Variants in CCDC6 observed in about 807,000 individuals in gnomAD.
The protein encoded by CCDC6 is coiled-coil domain containing 6.
CCDC6 carries 20 observed loss-of-function variants against 56.6 expected under a neutral mutation model. The observed-to-expected ratio is 0.35, with a 90% CI of 0.25 to 0.51. The LOEUF is 0.51. Ranked by LOEUF, CCDC6 falls within the 20% of genes least tolerant of loss-of-function variation. The pLI, the probability that CCDC6 is intolerant of heterozygous loss-of-function variation, is 0.95. For synonymous variants in CCDC6, 241 were observed against 234.4 expected (o/e 1.03, Z -0.26); for missense variants, 367 against 601.1 (o/e 0.61, Z 4.07).
intron 1 of CCDC6, among the ~76,000 whole-genome samples, chr10:59,871,848 T>C (rs1239793705): frequency 6.6e-6 from 1 of 151,872 alleles, no homozygotes; most frequent in African/African-American, 2.4e-5. Context: ...CAGTTGCTAA[T>C]TGGCAAAAGA....
intron 2 of CCDC6, among the ~76,000 whole-genome samples, chr10:59,837,870 A>C (rs997352139): frequency 7.2e-5 from 11 of 152,046 alleles, no homozygotes; most frequent in Non-Finnish European, 1.5e-4. Context: ...GTTTATTGAA[A>C]ATTACCAAGG....
At position 59,876,073 on chromosome 10, in the gene CCDC6, CTTTTT is replaced by C. The variant is rs1172379933; in HGVS notation, c.304-23376_304-23372del. Reference sequence around the variant, plus strand: ...CATACACGAGTGCATGCACAGATGTCTTTTTTTTTTTTTTTTTTCAGATCGAGTCT... The same window carrying C: ...CATACACGAGTGCATGCACAGATGTCTTTTTTTTTTTTTCAGATCGAGTCT... On this transcript the variant is annotated intron_variant, in intron 1 of 8. Transcript: ENST00000263102. Among the ~76,000 whole-genome samples the C allele has an allele frequency of 8.2e-5, 8 of 97,584 alleles. 1 individual carries two copies. The highest frequency in any genetic ancestry group is 1.3e-4 in the Non-Finnish European group (7 of 51,876). The allele number at this position is 97,584 out of a possible 152,430, so 64.0% of individuals were successfully genotyped here.
intron 4 of CCDC6, among the ~76,000 whole-genome samples, chr10:59,813,653 C>A (rs1270785204): frequency 6.6e-6 from 1 of 152,108 alleles, no homozygotes; most frequent in Non-Finnish European, 1.5e-5. Flanking sequence ...CCAGGTCTAC[C>A]CTTGAGAAAA....
chr10:59,874,671 T>C (rs2071262807), intron 1 of CCDC6, among the ~76,000 whole-genome samples: 2 of 152,170 alleles, frequency 1.3e-5, no homozygotes. Flanking sequence ...GGAAATTATC[T>C]TGGGTTCTCT....
chr10:59,892,762 G>A (rs2071432086), intron 1 of CCDC6, among the ~76,000 whole-genome samples: 2 of 152,160 alleles, frequency 1.3e-5, no homozygotes, highest in East Asian at 3.9e-4. Flanking sequence ...TAACTCTACA[G>A]TCTCTCATAA....
chr10:59,814,860 A>G (rs115783391), intron 3 of CCDC6, 105 bp from the exon 4 acceptor site: 1 of 706,546 alleles, frequency 1.4e-6, no homozygotes, highest in African/African-American at 1.8e-5. Context: ...GAATACTGCA[A>G]ACATGTGGCC....
At chr10:59,862,163 T>C (rs2071134699) in intron 1 of CCDC6, among the ~76,000 whole-genome samples, 1 of 152,068 alleles carries the variant, frequency 6.6e-6, no homozygotes. Context: ...AAGTGACTGG[T>C]ATCCTACATA....
At chr10:59,879,731 C>G (rs973819216) in intron 1 of CCDC6, among the ~76,000 whole-genome samples, 6 of 152,152 alleles carry the variant, frequency 3.9e-5, no homozygotes, top group African/African-American at 1.4e-4. Context: ...CTAAAAAGAA[C>G]CTTTGCTTCC....
At chr10:59,831,533 A>G (rs1460150934) in intron 3 of CCDC6, among the ~76,000 whole-genome samples, 1 of 152,236 alleles carries the variant, frequency 6.6e-6, no homozygotes, top group East Asian at 1.9e-4. Context: ...CCTGAATGTG[A>G]GATAAATCAG....
chr10:59,904,979 C>T (rs2071531882), intron 1 of CCDC6, among the ~76,000 whole-genome samples: 1 of 152,314 alleles, frequency 6.6e-6, no homozygotes, highest in South Asian at 2.1e-4. Context: ...AAATTCATCC[C>T]TTTTTCTTCA....
At chr10:59,828,839 G>C (rs2070811032) in intron 3 of CCDC6, among the ~76,000 whole-genome samples, 1 of 152,146 alleles carries the variant, frequency 6.6e-6, no homozygotes, top group African/African-American at 2.4e-5. Flanking sequence ...CCTACCCCTG[G>C]ATTTATTTGT....
At chr10:59,818,011 T>C (rs747699669) in intron 3 of CCDC6, among the ~76,000 whole-genome samples, 6 of 151,802 alleles carry the variant, frequency 4.0e-5, no homozygotes, top group Non-Finnish European at 8.8e-5. Context: ...GCCACCAAGA[T>C]AGGAACGGAT....
intron 7 of CCDC6, among the ~76,000 whole-genome samples, chr10:59,798,955 C>G (rs2070548903): frequency 7.1e-6 from 1 of 140,582 alleles, no homozygotes; most frequent in Admixed American, 7.5e-5. Flanking sequence ...GATCATGCCA[C>G]TGCACTCCAG....
chr10:59,842,713 G>A lies in CCDC6; in HGVS notation c.453+9840C>T, dbSNP rs189870999. On this transcript the variant is annotated intron_variant, in intron 2 of 8. Coordinates refer to ENST00000263102, the MANE Select transcript of CCDC6 (RefSeq NM_005436.5). ...TTATGTTACCCTTAAAATATGTTGG[G>A]GACCCATTTTTTTCCCTTTAGAATT... 1.2e-4 allele frequency among the ~76,000 whole-genome samples: 18 copies of A among 151,686 alleles called. No homozygotes were observed. The East Asian group carries it at 2.9e-3, about 24-fold the overall frequency.
At chr10:59,832,822 C>G (rs569503496) in intron 2 of CCDC6, among the ~76,000 whole-genome samples, 169 bp from the exon 3 acceptor site, 340 of 152,326 alleles carry the variant, frequency 2.2e-3, no homozygotes, top group African/African-American at 7.8e-3. Context: ...ACTGGTTCCT[C>G]TAACTTAAAA....
chr10:59,855,798 TAATC>T (rs1564749609), intron 1 of CCDC6, among the ~76,000 whole-genome samples: 1 of 152,204 alleles, frequency 6.6e-6, no homozygotes, highest in East Asian at 1.9e-4. Flanking sequence ...AAAGGACTCA[TAATC>T]AACACACTGT....
At chr10:59,811,785 GT>G (rs1171864757) in intron 5 of CCDC6, among the ~76,000 whole-genome samples, 3 of 151,946 alleles carry the variant, frequency 2.0e-5, no homozygotes, top group African/African-American at 7.3e-5. Flanking sequence ...TCCATCTTTG[GT>G]TGTGGATGCA....
In CCDC6 at chr10:59,804,495, C is replaced by G; in HGVS notation, c.1030G>C (p.Gly344Arg). Residue 344 changes from glycine to arginine, a missense_variant, in exon 7 of 9, where the codon GGA becomes CGA. By Grantham distance (125) the Gly-to-Arg change is moderately radical (BLOSUM62 -2). Coordinates refer to ENST00000263102, the MANE Select transcript of CCDC6 (RefSeq NM_005436.5). The stretch of plus-strand genomic sequence containing the variant: ...CTGGACACAGTGCGAGGTCTTAATC[C>G]TTGTGCAGACATCTCATTAAAATAC... The part of the protein sequence containing the change: ...ERYFNEMSAQ[G>R]LRPRTVSSPI... 1 of 1,611,166 alleles carries G rather than the reference C, an allele frequency of 6.2e-7. No individual in the cohort carries two copies. The highest frequency in any genetic ancestry group is 8.5e-7 in the Non-Finnish European group (1 of 1,177,348).
At chr10:59,841,049 A>G (rs2070933946) in intron 2 of CCDC6, among the ~76,000 whole-genome samples, 1 of 152,198 alleles carries the variant, frequency 6.6e-6, no homozygotes, top group Non-Finnish European at 1.5e-5. Flanking sequence ...TCCCATGCAG[A>G]ATAAAAGCCA....
Sources: gnomAD v4.1 joint callset for allele counts (sites outside exome capture counted in the v4.1 genomes callset) on GRCh38, gnomAD v4.1.1 for gene constraint, MANE v1.5 for transcripts, NCBI Gene and HGNC (gene_info 2026-07-23, HGNC 2026-07-21) for gene names.